RELN: variants seen among roughly 807,000 people sequenced by gnomAD.
RELN encodes reelin.
Under a neutral mutation model 427.6 loss-of-function variants are expected in RELN, and 108 were observed. The observed-to-expected ratio is 0.25, with a 90% confidence interval of 0.22 to 0.30. The LOEUF (loss-of-function observed/expected upper bound fraction) is 0.30, where lower values mean the gene tolerates loss of function less well. Among genes scored for constraint, RELN ranks in the 10% least tolerant of loss-of-function variants. The pLI is 1.00. For synonymous variants in RELN, 1,524 were observed against 1,513.4 expected, an observed-to-expected ratio of 1.01 and a Z score of -0.16; for missense variants, 3,715 against 4,302.8, an observed-to-expected ratio of 0.86 and a Z score of 3.82.
chr7:103,632,780 G>C (rs909613400), intron 19 of RELN, among the ~76,000 whole-genome samples: 1 of 151,600 alleles, frequency 6.6e-6, no homozygotes, highest in Admixed American at 6.6e-5. Flanking sequence ...GAAACAAAGA[G>C]GAGACCAAAT....
chr7:103,863,757 C>A (rs578159592), intron 2 of RELN, among the ~76,000 whole-genome samples: 1 of 152,160 alleles, frequency 6.6e-6, no homozygotes, highest in African/African-American at 2.4e-5. Context: ...GGAAGTTTCA[C>A]TCCAAGACCA....
At chr7:103,518,837 CT>C (rs1234837011) in intron 49 of RELN, among the ~76,000 whole-genome samples, 2 of 151,998 alleles carry the variant, frequency 1.3e-5, no homozygotes, top group Admixed American at 6.6e-5. Context: ...CCCTTCAGTA[CT>C]TTTTTTAAAA....
rs1829719119 is a variant in RELN, at chr7:103,522,012, A to G, written c.7668+10T>C. 1 of 1,613,880 alleles carries G rather than the reference A, an allele frequency of 6.2e-7. No individual in the cohort carries two copies. The highest frequency in any genetic ancestry group is 8.5e-7 in the Non-Finnish European group (1 of 1,179,884). ...GAGCAGAAATGAGTAACCAGCAGCC[A>G]AACACTCACCCCACTGAAATGGAGA... On this transcript the variant is annotated intron_variant, in intron 48 of 64. Coordinates refer to ENST00000428762, the MANE Select transcript of RELN (RefSeq NM_005045.4).
intron 1 of RELN, among the ~76,000 whole-genome samples, chr7:103,941,003 G>C (rs1213409060): frequency 6.6e-6 from 1 of 152,120 alleles, no homozygotes; most frequent in African/African-American, 2.4e-5. Flanking sequence ...AATGAATTGA[G>C]GTTAGCTTCT....
At chr7:103,894,916 G>A (rs1794925921) in intron 2 of RELN, among the ~76,000 whole-genome samples, 1 of 152,102 alleles carries the variant, frequency 6.6e-6, no homozygotes, top group African/African-American at 2.4e-5. Flanking sequence ...CTAATGCAGA[G>A]CCAAAATCAT....
chr7:103,478,106 C>A (rs74317583), intron 64 of RELN, among the ~76,000 whole-genome samples: 8 of 152,136 alleles, frequency 5.3e-5, no homozygotes, highest in African/African-American at 1.7e-4. Context: ...GAATCTAAGT[C>A]AAATCTGTTG....
chr7:103,526,772 A>G (rs1584265490), intron 46 of RELN, among the ~76,000 whole-genome samples: 2 of 152,144 alleles, frequency 1.3e-5, no homozygotes, highest in Non-Finnish European at 1.5e-5. Context: ...CCGCCTCACA[A>G]GGGTGTTGTG....
At chr7:103,875,528 G>T (rs2116542385) in intron 2 of RELN, among the ~76,000 whole-genome samples, 1 of 152,180 alleles carries the variant, frequency 6.6e-6, no homozygotes, top group East Asian at 1.9e-4. Context: ...TTAAATATAG[G>T]TTGGCACTAT....
intron 10 of RELN, among the ~76,000 whole-genome samples, chr7:103,695,580 C>A (rs1311377041): frequency 6.6e-6 from 1 of 151,946 alleles, no homozygotes; most frequent in South Asian, 2.1e-4. Flanking sequence ...AAAGTACATG[C>A]AATGAGAAAC....
chr7:103,644,025 TAG>T (rs1222926087), intron 16 of RELN, among the ~76,000 whole-genome samples: 1 of 151,882 alleles, frequency 6.6e-6, no homozygotes, highest in African/African-American at 2.4e-5. Context: ...AATGAACTCA[TAG>T]AGAGTCTTTG....
intron 47 of RELN, among the ~76,000 whole-genome samples, chr7:103,523,080 G>A (rs1829746244): frequency 6.6e-6 from 1 of 152,178 alleles, no homozygotes; most frequent in Admixed American, 6.5e-5. Context: ...AGAACTTACT[G>A]AACTCCTGAA....
At chr7:103,670,076 G>A (rs1400518406) in intron 11 of RELN, among the ~76,000 whole-genome samples, 3 of 151,958 alleles carry the variant, frequency 2.0e-5, no homozygotes, top group African/African-American at 7.2e-5. Context: ...TAATATTTTT[G>A]TAAGCAAAAA....
At chr7:103,856,798 A>G (rs1335498118) in intron 2 of RELN, among the ~76,000 whole-genome samples, 1 of 151,936 alleles carries the variant, frequency 6.6e-6, no homozygotes, top group Non-Finnish European at 1.5e-5. Context: ...TTTTTACTAG[A>G]TTCTTCTATT....
rs1271707414 is a variant in RELN, at chr7:103,557,026, A to C, written c.5748T>G (p.Thr1916=). The change falls in exon 38 of 65, where the codon ACT becomes ACG. Residue 1916 remains threonine (T), a synonymous_variant. Transcript: ENST00000428762. ...TGAATCTTGTAGCATTGGTTTGGGC[A>C]GTGTATGGCAAGGGAACATTGATGA... ...ILFINVPLPY[T]AQTNATRFRL... 1 of 1,613,788 alleles carries C rather than the reference A, an allele frequency of 6.2e-7. No individual in the cohort carries two copies. The highest frequency in any genetic ancestry group is 8.5e-7 in the Non-Finnish European group (1 of 1,179,748).
At chr7:103,797,493 C>A (rs535031050) in intron 3 of RELN, among the ~76,000 whole-genome samples, 131 of 152,304 alleles carry the variant, frequency 8.6e-4, no homozygotes, top group Non-Finnish European at 1.6e-3. Context: ...TTTCACCCAA[C>A]TTTCCCTACT....
chr7:103,829,460 G>T (rs2116396898), intron 3 of RELN, among the ~76,000 whole-genome samples: 1 of 151,934 alleles, frequency 6.6e-6, no homozygotes, highest in South Asian at 2.1e-4. Context: ...ACTATAATCA[G>T]ATATAAAAGT....
chr7:103,777,144 T>C (rs1338958383), intron 3 of RELN, among the ~76,000 whole-genome samples: 3 of 152,150 alleles, frequency 2.0e-5, no homozygotes, highest in Non-Finnish European at 4.4e-5. Context: ...CAAAATAAAA[T>C]CACATGAAGG....
intron 1 of RELN, among the ~76,000 whole-genome samples, chr7:103,940,965 A>G (rs1469788050): frequency 3.3e-5 from 5 of 152,216 alleles, no homozygotes; most frequent in Non-Finnish European, 7.3e-5. Flanking sequence ...TGCTAAATTA[A>G]TAGTAACCTC....
chr7:103,503,744 G>C (rs1316284081), intron 51 of RELN, among the ~76,000 whole-genome samples: 1 of 152,174 alleles, frequency 6.6e-6, no homozygotes, highest in Non-Finnish European at 1.5e-5. Context: ...TGACACTGCT[G>C]TTAATACAGT....
Sources: gnomAD v4.1 joint callset for allele counts (sites outside exome capture counted in the v4.1 genomes callset) on GRCh38, gnomAD v4.1.1 for gene constraint, MANE v1.5 for transcripts, NCBI Gene and HGNC (gene_info 2026-07-23, HGNC 2026-07-21) for gene names.